The following CD200 variants were observed in gnomAD, a reference collection of about 807,000 sequenced individuals.
CD200 encodes the protein OX-2 membrane glycoprotein.
Under a neutral mutation model 30.9 loss-of-function variants are expected in CD200, and 15 were observed. The observed-to-expected ratio is 0.49, with a 90% CI of 0.32 to 0.75. The LOEUF is 0.75. CD200 is among the 30% of genes least tolerant of loss of function. The pLI is 0.03. For missense variants in CD200, 262 were observed against 324.2 expected, an observed-to-expected ratio of 0.81 and a Z score of 1.47; for synonymous variants, 134 against 126.2, an observed-to-expected ratio of 1.06 and a Z score of -0.41.
intron 3 of CD200, among the ~76,000 whole-genome samples, chr3:112,346,479 T>C (rs903537572): frequency 1.3e-5 from 2 of 152,210 alleles, no homozygotes; most frequent in Non-Finnish European, 2.9e-5. Flanking sequence ...ACACTGACCT[T>C]TTCCATCCAC....
intron 5 of CD200, among the ~76,000 whole-genome samples, chr3:112,358,893 AAG>A (rs891229843): frequency 6.6e-6 from 1 of 152,124 alleles, no homozygotes. Context: ...CAAGAAACAA[AAG>A]AGAGAAAGAA....
rs540869841 is a variant in CD200, at chr3:112,346,653, C to T, written c.422-905C>T. Among the ~76,000 whole-genome samples, 102 of 152,338 alleles carry T rather than the reference C, an allele frequency of 6.7e-4. No individual in the cohort carries two copies. In the Middle Eastern group the frequency reaches 0.01, roughly 15 times the overall value. On this transcript the variant is annotated intron_variant, in intron 3 of 5. Transcript: ENST00000315711. ...GAGCCACAGTTCCATAGCCCTACTTCCCCAACCCAGTGTCTTCTACCTGCC... is the reference window on the plus strand; with the variant it reads ...GAGCCACAGTTCCATAGCCCTACTTTCCCAACCCAGTGTCTTCTACCTGCC...
At chr3:112,333,750 C>T (rs2081051034) in intron 1 of CD200, 2 of 985,420 alleles carry the variant, frequency 2.0e-6, no homozygotes, top group Non-Finnish European at 2.4e-6. Flanking sequence ...TTTCTCCCTC[C>T]TAGCCCTTGC....
At chr3:112,333,256 G>T (rs2276772) in intron 1 of CD200, 32 bp downstream of exon 1, 526,109 of 1,546,288 alleles carry the variant, frequency 0.34, 94,048 homozygotes, top group Non-Finnish European at 0.37. Flanking sequence ...GAAGGAGGGC[G>T]CAGGGCAGGC....
chr3:112,348,508 G>A (rs2081455842), intron 4 of CD200, among the ~76,000 whole-genome samples: 1 of 152,170 alleles, frequency 6.6e-6, no homozygotes, highest in Admixed American at 6.5e-5. Context: ...GAATGACAGA[G>A]GAGAGAATAA....
intron 5 of CD200, among the ~76,000 whole-genome samples, chr3:112,356,367 G>A (rs2081623572): frequency 6.6e-6 from 1 of 151,422 alleles, no homozygotes. Context: ...TTTTTTAATT[G>A]AAAACAGAAA....
At chr3:112,361,508 G>C (rs1033645724) in intron 5 of CD200, 35 bp from the exon 6 acceptor site, 1 of 1,542,676 alleles carries the variant, frequency 6.5e-7, no homozygotes, top group African/African-American at 1.4e-5. Flanking sequence ...ATTTACAAGT[G>C]TCCAAAGTTA....
In CD200 at chr3:112,347,781, G is replaced by C; in HGVS notation, c.645G>C (p.Gln215His). The change falls in exon 4 of 6, where the codon CAG becomes CAC. Residue 215 changes from glutamine (Q) to histidine (H), a missense_variant. Gln to His is a conservative substitution (Grantham distance 24). Coordinates refer to ENST00000315711, the MANE Select transcript of CD200 (RefSeq NM_005944.7). ...KNQVGKEVICQVLHLGTVTDF... is the reference protein window; with the variant it reads ...KNQVGKEVICHVLHLGTVTDF... ...AGGTGGGGAAGGAGGTGATCTGCCA[G>C]GTGCTGCACCTGGGGACTGTGACCG... The C allele has an allele frequency of 6.2e-7, 1 of 1,613,938 alleles. No homozygotes were observed. The highest frequency in any genetic ancestry group is 8.5e-7 in the Non-Finnish European group (1 of 1,179,912).
chr3:112,336,463 C>T (rs145756760), intron 1 of CD200, among the ~76,000 whole-genome samples: 69 of 151,780 alleles, frequency 4.5e-4, no homozygotes, highest in Non-Finnish European at 7.1e-4. Flanking sequence ...AAATGAATTC[C>T]AGCAGGGAAG....
intron 2 of CD200, 132 bp from the exon 3 acceptor site, chr3:112,344,830 T>C: frequency 2.9e-6 from 2 of 688,574 alleles, no homozygotes; most frequent in Non-Finnish European, 4.8e-6. Flanking sequence ...GGAATGTAAA[T>C]AAATGTTTTC....
At chr3:112,357,037 G>A (rs1159150459) in intron 5 of CD200, among the ~76,000 whole-genome samples, 2 of 152,116 alleles carry the variant, frequency 1.3e-5, no homozygotes, top group African/African-American at 4.8e-5. Context: ...CGAGGCGGGC[G>A]GATCACGAGG....
At position 112,361,568 on chromosome 3, in the gene CD200, C is replaced by G. The variant is rs1388944936; in HGVS notation, c.*18C>G. 1.4e-5 allele frequency: 23 copies of G among 1,606,752 alleles called. No individual in the cohort carries two copies. Among genetic ancestry groups the G allele is most frequent in the Non-Finnish European group, 2.0e-5 (23 of 1,173,380 alleles). ...AGCCCTAAATAAGTCACACAGCACC[C>G]TGAAAGTGATTCCCTGGTCTACTTG... On this transcript the variant is annotated 3_prime_UTR_variant, in exon 6 of 6. Coordinates refer to ENST00000315711, the MANE Select transcript of CD200 (RefSeq NM_005944.7).
rs1486576909 is a variant in CD200, at chr3:112,362,548, A to G, written c.*998A>G. The G allele has an allele frequency of 6.6e-6, 1 of 152,636 alleles. No homozygotes were observed. Among genetic ancestry groups the G allele is most frequent in the Admixed American group, 6.5e-5 (1 of 15,282 alleles). 9.5% of individuals were successfully genotyped at this position (152,636 alleles called of 1,614,324 possible). The stretch of plus-strand genomic sequence containing the variant: ...CCCAATAGCAGAGGAGGCAAATATG[A>G]GCATACAATCCCTTTGTTCTAAAGA... On this transcript the variant is annotated 3_prime_UTR_variant, in exon 6 of 6. Coordinates refer to ENST00000315711, the MANE Select transcript of CD200 (RefSeq NM_005944.7).
chr3:112,361,000 A>AT (rs1361684107), intron 5 of CD200, among the ~76,000 whole-genome samples: 1 of 151,710 alleles, frequency 6.6e-6, no homozygotes, highest in Non-Finnish European at 1.5e-5. Context: ...ATGCCCTTTT[A>AT]TTTTTGCTTC....
At chr3:112,353,715 T>C (rs2108466668) in intron 5 of CD200, among the ~76,000 whole-genome samples, 1 of 152,306 alleles carries the variant, frequency 6.6e-6, no homozygotes. Context: ...TAACAACCTT[T>C]GCTTTGCTCA....
chr3:112,361,507 T>G (rs747864590), intron 5 of CD200, 36 bp from the exon 6 acceptor site: 4 of 1,523,148 alleles, frequency 2.6e-6, no homozygotes, highest in Non-Finnish European at 3.6e-6. Context: ...AATTTACAAG[T>G]GTCCAAAGTT....
rs538998742 is a variant in CD200 at position 112,349,862 on chromosome 3, T to A, written c.802+43T>A. The A allele has an allele frequency of 5.1e-6, 8 of 1,555,996 alleles. No homozygotes were observed. In the African/African-American group the frequency reaches 6.8e-5, roughly 13 times the overall value. ...GTTCAAAAAATGACATAAATTAAAT[T>A]TGATTTTTAATGACAATTTGTGAGT... On this transcript the variant is annotated intron_variant, in intron 5 of 5. Transcript: ENST00000315711.
intron 1 of CD200, chr3:112,335,804 A>G (rs117936214): frequency 1.4e-6 from 1 of 719,002 alleles, no homozygotes; most frequent in African/African-American, 1.8e-5. Context: ...AGTCTCTAAC[A>G]TGATCTTGGG....
At chr3:112,337,445 G>A (rs1478640292) in intron 1 of CD200, among the ~76,000 whole-genome samples, 1 of 152,142 alleles carries the variant, frequency 6.6e-6, no homozygotes, top group Non-Finnish European at 1.5e-5. Flanking sequence ...GCGTTTAGAA[G>A]TAGAAAAGGC....
Sources: allele counts gnomAD v4.1 joint callset (sites outside exome capture counted in the v4.1 genomes callset), GRCh38; gene constraint gnomAD v4.1.1; transcripts MANE v1.5; gene names NCBI Gene and HGNC (gene_info 2026-07-23, HGNC 2026-07-21).